The following CFAP47 variants were observed in gnomAD, a reference collection of about 807,000 sequenced individuals.
CFAP47 encodes cilia and flagella associated protein 47, also known as cilia- and flagella-associated protein 47.
In CFAP47, 29 loss-of-function variants were observed where a neutral mutation model predicts 148.1. That is an observed-to-expected ratio of 0.20 (90% confidence interval 0.15 to 0.27). CFAP47 has a LOEUF of 0.27. Ranked by LOEUF, CFAP47 falls within the 10% of genes least tolerant of loss-of-function variation. The pLI, the probability that CFAP47 is intolerant of heterozygous loss-of-function variation, is 1.00. For synonymous variants in CFAP47, 664 were observed against 577.3 expected (o/e 1.15, Z -2.15); for missense variants, 1,872 against 1,697.5 (o/e 1.10, Z -1.81).
Position 36,280,575 on chromosome X carries a change from C to T in CFAP47, c.7533C>T (p.Leu2511=). Residue 2511 remains leucine, a synonymous_variant, in exon 50 of 64, where the codon CTC becomes CTT. Transcript: ENST00000378653. ...AAGACACAGATCAAGATCAAGCCCT[C>T]TCCTGTCTTGATTCAATAACAGAAC... ...YEEDTDQDQA[L]SCLDSITEQS... 2 of 509,591 alleles carry T rather than the reference C, an allele frequency of 3.9e-6. No individual in the cohort carries two copies. The highest frequency in any genetic ancestry group is 7.0e-6 in the Non-Finnish European group (2 of 284,470). The allele number at this position is 509,591 out of a possible 1,213,427, so 42.0% of individuals were successfully genotyped here.
chrX:36,175,880 C>T (rs866622014), intron 39 of CFAP47, among the ~76,000 whole-genome samples: 6 of 99,980 alleles, frequency 6.0e-5, no homozygotes, highest in African/African-American at 1.8e-4. Context: ...TGGGCAATGG[C>T]GGGCGCCCCT....
chrX:36,295,043 A>G (rs782258675), intron 51 of CFAP47, among the ~76,000 whole-genome samples: 1 of 112,150 alleles, frequency 8.9e-6, no homozygotes, highest in South Asian at 3.7e-4. Context: ...AAATGGAAGC[A>G]ATTTCTTTAA....
At chrX:35,946,363 T>G (rs1662155477) in intron 3 of CFAP47, among the ~76,000 whole-genome samples, 1 of 112,227 alleles carries the variant, frequency 8.9e-6, no homozygotes, top group Non-Finnish European at 1.9e-5. Context: ...TGCTTCTGAA[T>G]AAGTTTTTGA....
chrX:36,144,693 G>A (rs761351506), intron 35 of CFAP47: 4 of 1,026,899 alleles, frequency 3.9e-6, no homozygotes, highest in Non-Finnish European at 1.3e-6. Flanking sequence ...ACAGAAGAAG[G>A]GGGATATTCA....
At chrX:36,290,037 C>CTCTCTTCCTCCCTCCCTCT (rs1197724977) in intron 51 of CFAP47, among the ~76,000 whole-genome samples, 1 of 110,581 alleles carries the variant, frequency 9.0e-6, no homozygotes, top group African/African-American at 3.3e-5. Flanking sequence ...CCTCCACACC[C>CTCTCTTCCTCCCTCCCTCT]TCTCTTCCTC....
Position 36,244,111 on chromosome X carries a change from T to G in CFAP47, c.7333-7222T>G, listed in dbSNP as rs782140783. On this transcript the variant is annotated intron_variant, in intron 48 of 63. Coordinates refer to ENST00000378653, the MANE Select transcript of CFAP47 (RefSeq NM_001304548.2). ...TCAAAACCACACACATACATGAAAA[T>G]TAAATAACTTGCGCCTGAGTAACTG... Among the ~76,000 whole-genome samples the G allele has an allele frequency of 1.5e-3, 164 of 110,515 alleles. 2 individuals carry two copies. The highest frequency in any genetic ancestry group is 5.1e-3 in the African/African-American group (155 of 30,485).
At chrX:35,975,077 A>G (rs1936548084) in intron 13 of CFAP47, 70 bp from the exon 14 acceptor site, 1 of 624,846 alleles carries the variant, frequency 1.6e-6, no homozygotes, top group African/African-American at 2.3e-5. Context: ...ATATATTTTG[A>G]AAACTTAAAA....
At chrX:35,969,310 A>G (rs971649294) in intron 10 of CFAP47, among the ~76,000 whole-genome samples, 2 of 111,265 alleles carry the variant, frequency 1.8e-5, no homozygotes, top group Admixed American at 1.9e-4. Context: ...AATGCATTTT[A>G]CCTTTTCAGT....
intron 53 of CFAP47, 120 bp downstream of exon 53, chrX:36,301,299 T>A: frequency 2.3e-6 from 1 of 433,019 alleles, no homozygotes; most frequent in South Asian, 4.2e-5. Flanking sequence ...AGTCATTGAT[T>A]TTTTTTCCCC....
At chrX:36,061,200 C>G (rs931030815) in intron 26 of CFAP47, among the ~76,000 whole-genome samples, 2 of 111,129 alleles carry the variant, frequency 1.8e-5, no homozygotes, top group South Asian at 7.5e-4. Flanking sequence ...GGCCTGCTTC[C>G]TCTTCACCTT....
At chrX:35,962,052 C>A (rs1441932834) in intron 8 of CFAP47, among the ~76,000 whole-genome samples, 1 of 110,134 alleles carries the variant, frequency 9.1e-6, no homozygotes, top group Non-Finnish European at 1.9e-5. Context: ...TGTTGAATTC[C>A]CCTTGTGGTT....
chrX:36,261,229 T>C (rs782698060), intron 49 of CFAP47, among the ~76,000 whole-genome samples: 2 of 107,023 alleles, frequency 1.9e-5, no homozygotes, highest in South Asian at 8.6e-4. Context: ...AGTTAGTGCT[T>C]ATTAAAACAC....
At chrX:36,371,202 G>C (rs189476488) in intron 62 of CFAP47, among the ~76,000 whole-genome samples, 1 of 110,823 alleles carries the variant, frequency 9.0e-6, no homozygotes, top group East Asian at 2.8e-4. Context: ...TCTGCCCTTT[G>C]TGATAACATT....
intron 63 of CFAP47, chrX:36,379,758 T>C (rs983742275): frequency 4.8e-5 from 14 of 293,414 alleles, no homozygotes; most frequent in Admixed American, 2.7e-4. Flanking sequence ...AAAAATACTT[T>C]CCTTCCATAT....
chrX:36,180,186 A>G (rs1163321279), intron 40 of CFAP47, among the ~76,000 whole-genome samples: 2 of 111,480 alleles, frequency 1.8e-5, no homozygotes, highest in Non-Finnish European at 3.8e-5. Context: ...AATTTATTCT[A>G]CCTACTTTAT....
chrX:36,275,412 C>T (rs1443385042), intron 49 of CFAP47, among the ~76,000 whole-genome samples: 1 of 87,159 alleles, frequency 1.1e-5, no homozygotes, highest in Non-Finnish European at 2.1e-5. Context: ...TAAGTGAGAT[C>T]GTCGTGTGTG....
intron 22 of CFAP47, among the ~76,000 whole-genome samples, chrX:36,029,832 T>C (rs1937260687): frequency 9.0e-6 from 1 of 110,827 alleles, no homozygotes; most frequent in South Asian, 3.7e-4. Flanking sequence ...ATATTTTTCT[T>C]ACTTGACTTT....
chrX:36,304,107 C>T lies in CFAP47; in HGVS notation c.8082+147C>T, dbSNP rs185100281. On this transcript the variant is annotated intron_variant, in intron 54 of 63. Coordinates refer to ENST00000378653, the MANE Select transcript of CFAP47 (RefSeq NM_001304548.2). ...TAAGAATTGAATTTTATAGGCCCAG[C>T]GGGGTGGCTCATGCCTGTAATCCCA... 8 of 339,184 alleles carry T rather than the reference C, an allele frequency of 2.4e-5. No homozygotes were observed. In the East Asian group the frequency reaches 4.7e-4, roughly 20 times the overall value. The allele number at this position is 339,184 out of a possible 1,213,427, so 28.0% of individuals were successfully genotyped here. A position where few individuals can be genotyped will look rare whatever the true frequency, so the allele number is the denominator to read the frequency against.
At chrX:36,082,869 A>G (rs1601967112) in intron 29 of CFAP47, among the ~76,000 whole-genome samples, 2 of 111,825 alleles carry the variant, frequency 1.8e-5, no homozygotes, top group East Asian at 5.7e-4. Flanking sequence ...CATCTGTAAA[A>G]AAGGAGATAA....
Sources: gnomAD v4.1 joint callset for allele counts (sites outside exome capture counted in the v4.1 genomes callset) on GRCh38, gnomAD v4.1.1 for gene constraint, MANE v1.5 for transcripts, NCBI Gene and HGNC (gene_info 2026-07-23, HGNC 2026-07-21) for gene names.